Variants in SMYD3 observed in about 807,000 individuals in gnomAD.
The protein encoded by SMYD3 is SET and MYND domain containing 3, also known as histone-lysine N-methyltransferase SMYD3.
SMYD3 carries 36 observed loss-of-function variants against 57.7 expected under a neutral mutation model. The ratio of observed to expected loss-of-function variants is 0.62; its 90% CI spans 0.48 to 0.82. The LOEUF is 0.82. Among genes scored for constraint, SMYD3 ranks in the 40% least tolerant of loss-of-function variants. The pLI is 0.00. For synonymous variants in SMYD3, 211 were observed against 195.0 expected, an observed-to-expected ratio of 1.08 and a Z score of -0.68; for missense variants, 515 against 538.8, an observed-to-expected ratio of 0.96 and a Z score of 0.44.
At chr1:246,068,268 A>G (rs571972069) in intron 5 of SMYD3, among the ~76,000 whole-genome samples, 144 of 148,752 alleles carry the variant, frequency 9.7e-4, no homozygotes, top group Admixed American at 3.5e-3. Flanking sequence ...GACACTGGAA[A>G]TCAAACTACA....
chr1:245,866,279 T>C lies in SMYD3; in HGVS notation c.814-2393A>G, dbSNP rs147587977. Among the ~76,000 whole-genome samples the C allele has an allele frequency of 3.1e-3, 468 of 152,096 alleles. 1 individual carries two copies. Among genetic ancestry groups the C allele is most frequent in the African/African-American group, 0.011 (456 of 41,420 alleles). ...GATAGGAGCACTTGTGTCTGCATAA[T>C]TGGGCTTTGTGGGCCTCTATGTGTA... On this transcript the variant is annotated intron_variant, in intron 8 of 11. Coordinates refer to ENST00000490107, the MANE Select transcript of SMYD3 (RefSeq NM_001167740.2).
At position 246,298,237 on chromosome 1, in the gene SMYD3, T is replaced by A. The variant is rs578211047; in HGVS notation, c.531+28964A>T. Reference sequence around the variant, plus strand: ...AGAGCACACTGAGGTAAAAAAATAATAATAATAAATAGAAGCTATTACAGC... The same window carrying A: ...AGAGCACACTGAGGTAAAAAAATAAAAATAATAAATAGAAGCTATTACAGC... On this transcript the variant is annotated intron_variant, in intron 5 of 11. Transcript: ENST00000490107. Among the ~76,000 whole-genome samples, 548 of 147,720 alleles carry A rather than the reference T, an allele frequency of 3.7e-3. 2 individuals carry two copies. Among genetic ancestry groups the A allele is most frequent in the African/African-American group, 0.012 (480 of 39,236 alleles).
At chr1:246,214,341 T>A (rs565576397) in intron 5 of SMYD3, among the ~76,000 whole-genome samples, 1 of 152,112 alleles carries the variant, frequency 6.6e-6, no homozygotes, top group East Asian at 1.9e-4. Flanking sequence ...CAGCTATGAG[T>A]TGTGTACTCT....
chr1:246,459,918 CAAA>C lies in SMYD3; in HGVS notation c.164+47133_164+47135del, dbSNP rs35958617. 9.0e-3 allele frequency among the ~76,000 whole-genome samples: 803 copies of C among 88,916 alleles called. 8 individuals carry two copies. Among genetic ancestry groups the C allele is most frequent in the African/African-American group, 0.029 (700 of 24,376 alleles). 58.3% of individuals were successfully genotyped at this position (88,916 alleles called of 152,430 possible). ...CTGCAGAGGAAACCATTCCGCCACC[CAAA>C]AAAAAAAAAAAAAAAAAAGCCACAA... On this transcript the variant is annotated intron_variant, in intron 1 of 11. Transcript: ENST00000490107.
At chr1:246,255,979 T>TAGACAGACAGACAGAC (rs201080839) in intron 5 of SMYD3, among the ~76,000 whole-genome samples, 4 of 147,754 alleles carry the variant, frequency 2.7e-5, no homozygotes, top group East Asian at 2.0e-4. Context: ...GATAGATAGA[T>TAGACAGACAGACAGAC]AGATAGATAC....
intron 1 of SMYD3, among the ~76,000 whole-genome samples, chr1:246,447,475 A>T (rs2067565936): frequency 6.6e-6 from 1 of 152,248 alleles, no homozygotes; most frequent in African/African-American, 2.4e-5. Flanking sequence ...ACATTTGAAA[A>T]CAAAATTTCC....
chr1:246,334,290 C>T (rs1481334436), intron 3 of SMYD3, among the ~76,000 whole-genome samples: 7 of 152,070 alleles, frequency 4.6e-5, no homozygotes, highest in African/African-American at 1.4e-4. Flanking sequence ...TTCACAACAG[C>T]AAAGGCATGG....
At chr1:245,773,785 A>G (rs1169410050) in intron 10 of SMYD3, among the ~76,000 whole-genome samples, 1 of 152,254 alleles carries the variant, frequency 6.6e-6, no homozygotes, top group African/African-American at 2.4e-5. Flanking sequence ...AATGGTAATG[A>G]GATATTCCCT....
chr1:245,967,733 A>C (rs2058192012), intron 5 of SMYD3, among the ~76,000 whole-genome samples: 1 of 152,218 alleles, frequency 6.6e-6, no homozygotes. Context: ...TTATTAAAGG[A>C]ACAGAGACAA....
intron 1 of SMYD3, among the ~76,000 whole-genome samples, chr1:246,498,016 T>G (rs1267208129): frequency 6.6e-6 from 1 of 152,172 alleles, no homozygotes; most frequent in Admixed American, 6.5e-5. Flanking sequence ...AAATTAAAAC[T>G]ATACTAAGAT....
chr1:246,365,996 C>T (rs961780267), intron 1 of SMYD3, among the ~76,000 whole-genome samples: 9 of 152,156 alleles, frequency 5.9e-5, no homozygotes, highest in Non-Finnish European at 1.2e-4. Flanking sequence ...CTAAGTTAAT[C>T]AGAGGCTATG....
intron 10 of SMYD3, among the ~76,000 whole-genome samples, chr1:245,838,088 G>A (rs2050191132): frequency 1.3e-5 from 2 of 152,216 alleles, no homozygotes; most frequent in South Asian, 4.1e-4. Flanking sequence ...GAAACAACAT[G>A]AGATTAAAAG....
chr1:245,839,375 T>C (rs968148290), intron 10 of SMYD3, among the ~76,000 whole-genome samples: 63 of 152,136 alleles, frequency 4.1e-4, no homozygotes, highest in Non-Finnish European at 7.5e-4. Flanking sequence ...TTCACCGTGT[T>C]AGCCAGGATG....
At chr1:246,075,794 AAATAT>A (rs1366170414) in intron 5 of SMYD3, among the ~76,000 whole-genome samples, 4 of 152,134 alleles carry the variant, frequency 2.6e-5, no homozygotes, top group South Asian at 2.1e-4. Context: ...TAAAATATGC[AAATAT>A]AATATATATG....
At chr1:246,397,242 C>T (rs190523877) in intron 1 of SMYD3, among the ~76,000 whole-genome samples, 58 of 152,166 alleles carry the variant, frequency 3.8e-4, no homozygotes, top group African/African-American at 1.3e-3. Context: ...ACTGTGTGTG[C>T]GAGGGATCTA....
At chr1:245,767,618 G>A (rs1037563028) in intron 10 of SMYD3, among the ~76,000 whole-genome samples, 5 of 152,174 alleles carry the variant, frequency 3.3e-5, no homozygotes, top group Non-Finnish European at 7.4e-5. Context: ...GACAAGGGAA[G>A]GGATGGATGG....
At chr1:246,378,102 C>G (rs2066309800) in intron 1 of SMYD3, among the ~76,000 whole-genome samples, 1 of 152,182 alleles carries the variant, frequency 6.6e-6, no homozygotes, top group African/African-American at 2.4e-5. Context: ...ACTGAGTTTT[C>G]TTAGTGAATT....
intron 5 of SMYD3, among the ~76,000 whole-genome samples, chr1:245,944,234 G>A (rs2057359618): frequency 6.6e-6 from 1 of 152,064 alleles, no homozygotes. Context: ...CCTATATCTA[G>A]AAAACTCCAT....
intron 1 of SMYD3, among the ~76,000 whole-genome samples, chr1:246,413,592 C>T (rs1465428531): frequency 1.3e-5 from 2 of 152,070 alleles, no homozygotes; most frequent in Non-Finnish European, 2.9e-5. Context: ...GAGGATCTCT[C>T]GTGGCCCAGT....
Sources: gnomAD v4.1 joint callset for allele counts (sites outside exome capture counted in the v4.1 genomes callset) on GRCh38, gnomAD v4.1.1 for gene constraint, MANE v1.5 for transcripts, NCBI Gene and HGNC (gene_info 2026-07-23, HGNC 2026-07-21) for gene names.